The following SLC35E3 variants were observed in gnomAD, a reference collection of about 807,000 sequenced individuals.
SLC35E3 encodes solute carrier family 35 member E3, also known as bladder cancer-overexpressed gene 1 protein.
SLC35E3 carries 28 observed loss-of-function variants against 30.8 expected under a neutral mutation model. The observed-to-expected ratio is 0.91, with a 90% CI of 0.67 to 1.25. SLC35E3 has a LOEUF of 1.25. SLC35E3 is among the 50% of genes most tolerant of loss of function. The pLI is 0.00. For missense variants in SLC35E3, 365 were observed against 375.4 expected, an observed-to-expected ratio of 0.97 and a Z score of 0.23; for synonymous variants, 146 against 149.2, an observed-to-expected ratio of 0.98 and a Z score of 0.16.
In SLC35E3 at chr12:68,775,134, C is replaced by T. The variant is rs1034573291; in HGVS notation, c.*10244C>T. 6.6e-6 allele frequency: 1 copy of T among 152,088 alleles called. No individual in the cohort carries two copies. The highest frequency in any genetic ancestry group is 2.4e-5 in the African/African-American group (1 of 41,410). 9.4% of individuals were successfully genotyped at this position (152,088 alleles called of 1,614,324 possible). A position where few individuals can be genotyped will look rare whatever the true frequency, so the allele number is the denominator to read the frequency against. On this transcript the variant is annotated 3_prime_UTR_variant, in exon 5 of 5. Coordinates refer to ENST00000398004, the MANE Select transcript of SLC35E3 (RefSeq NM_018656.5). ...GTGCTGATATTACAGGCGTGAGCAA[C>T]CATGCCAGCCTGGCTTAGCCACTTT...
At chr12:68,758,444 A>G (rs1309470952) in intron 3 of SLC35E3, among the ~76,000 whole-genome samples, 1 of 152,010 alleles carries the variant, frequency 6.6e-6, no homozygotes, top group Non-Finnish European at 1.5e-5. Flanking sequence ...AAGATCTCGA[A>G]GGAGGTATGC....
In SLC35E3 at chr12:68,771,989, T is replaced by A. The variant is rs1879613040; in HGVS notation, c.*7099T>A. ...TTGCTTATAATAAAAGTAGATTGAA[T>A]AAATTAATCAGAAGGGTTTGGTTTG... is the stretch of plus-strand genomic sequence containing the variant. On this transcript the variant is annotated 3_prime_UTR_variant, in exon 5 of 5. Coordinates refer to ENST00000398004, the MANE Select transcript of SLC35E3 (RefSeq NM_018656.5). 3 of 152,232 alleles carry A rather than the reference T, an allele frequency of 2.0e-5. No homozygotes were observed. The South Asian group carries it at 6.2e-4, about 31-fold the overall frequency. The allele number at this position is 152,232 out of a possible 1,614,324, so 9.4% of individuals were successfully genotyped here. A position where few individuals can be genotyped will look rare whatever the true frequency, so the allele number is the denominator to read the frequency against.
chr12:68,769,987 G>A lies in SLC35E3; in HGVS notation c.*5097G>A, dbSNP rs1207520432. 3 of 152,210 alleles carry A rather than the reference G, an allele frequency of 2.0e-5. No homozygotes were observed. The highest frequency in any genetic ancestry group is 2.0e-4 in the Admixed American group (3 of 15,262). 9.4% of individuals were successfully genotyped at this position (152,210 alleles called of 1,614,324 possible). A position where few individuals can be genotyped will look rare whatever the true frequency, so the allele number is the denominator to read the frequency against. ...CTCAATGAATGCTAAAGGGAACATC[G>A]TTCTGTGAGCACATAACAAAAGAAT... On this transcript the variant is annotated 3_prime_UTR_variant, in exon 5 of 5. Transcript: ENST00000398004.
At chr12:68,757,342 C>T (rs1879059402) in intron 3 of SLC35E3, among the ~76,000 whole-genome samples, 1 of 152,050 alleles carries the variant, frequency 6.6e-6, no homozygotes, top group South Asian at 2.1e-4. Flanking sequence ...TAATGATGTG[C>T]CAAGTATCAA....
At position 68,769,932 on chromosome 12, in the gene SLC35E3, A is replaced by G. The variant is rs1289792225; in HGVS notation, c.*5042A>G. ...TATTAGAGATAGGACTAATTAAACAAAAACAAGACAAGAATAATTAAACAG... is the reference window on the plus strand; with the variant it reads ...TATTAGAGATAGGACTAATTAAACAGAAACAAGACAAGAATAATTAAACAG... On this transcript the variant is annotated 3_prime_UTR_variant, in exon 5 of 5. Transcript: ENST00000398004. 1 of 152,246 alleles carries G rather than the reference A, an allele frequency of 6.6e-6. No homozygotes were observed. The highest frequency in any genetic ancestry group is 1.5e-5 in the Non-Finnish European group (1 of 68,060). 9.4% of individuals were successfully genotyped at this position (152,246 alleles called of 1,614,324 possible).
chr12:68,764,440 C>T (rs955857700), intron 4 of SLC35E3, among the ~76,000 whole-genome samples: 3 of 152,168 alleles, frequency 2.0e-5, no homozygotes, highest in African/African-American at 7.2e-5. Context: ...AGGCATGTGC[C>T]ACCACGCCCA....
At chr12:68,763,685 G>A (rs1258676004) in intron 4 of SLC35E3, among the ~76,000 whole-genome samples, 6 of 151,982 alleles carry the variant, frequency 3.9e-5, no homozygotes, top group Non-Finnish European at 8.8e-5. Flanking sequence ...GTGAGCCACC[G>A]TGCCTGGCCA....
In SLC35E3 at chr12:68,771,854, A is replaced by G. The variant is rs78885704; in HGVS notation, c.*6964A>G. 2,593 of 152,346 alleles carry G rather than the reference A, an allele frequency of 0.017. 34 individuals are homozygous for G. Among genetic ancestry groups the G allele is most frequent in the Non-Finnish European group, 0.026 (1,768 of 68,076 alleles). The allele number at this position is 152,346 out of a possible 1,614,324, so 9.4% of individuals were successfully genotyped here. A position where few individuals can be genotyped will look rare whatever the true frequency, so the allele number is the denominator to read the frequency against. Reference sequence around the variant, plus strand: ...GCAGCTTGCTCAAATCTTACTTCTCAGTTTCTTCACCTATAAAATGAGGGC... The same window carrying G: ...GCAGCTTGCTCAAATCTTACTTCTCGGTTTCTTCACCTATAAAATGAGGGC... On this transcript the variant is annotated 3_prime_UTR_variant, in exon 5 of 5. Coordinates refer to ENST00000398004, the MANE Select transcript of SLC35E3 (RefSeq NM_018656.5).
rs1435221427 is a variant in SLC35E3 at position 68,772,223 on chromosome 12, AG to A, written c.*7334del. The A allele has an allele frequency of 6.6e-6, 1 of 151,906 alleles. No individual in the cohort carries two copies. Among genetic ancestry groups the A allele is most frequent in the East Asian group, 1.9e-4 (1 of 5,170 alleles). 9.4% of individuals were successfully genotyped at this position (151,906 alleles called of 1,614,324 possible). ...CAGCTAATTTTTTGTATTTTTGTAG[AG>A]ACAGGGTATCACCATGTTGGCCAGG... On this transcript the variant is annotated 3_prime_UTR_variant, in exon 5 of 5. Transcript: ENST00000398004.
rs1327835229 is a variant in SLC35E3, at chr12:68,778,790, CA to C, written c.*13912del. On this transcript the variant is annotated 3_prime_UTR_variant, in exon 5 of 5. Transcript: ENST00000398004. ...GGACAAAAGAGCAAAACTCCATCTC[CA>C]AAAAAAAAAAAGAAAAGAAACTGAG... 5.2e-3 allele frequency: 699 copies of C among 133,262 alleles called. 3 individuals are homozygous for C. Among genetic ancestry groups the C allele is most frequent in the Admixed American group, 8.7e-3 (114 of 13,030 alleles). The allele number at this position is 133,262 out of a possible 1,614,324, so 8.3% of individuals were successfully genotyped here. A position where few individuals can be genotyped will look rare whatever the true frequency, so the allele number is the denominator to read the frequency against.
In SLC35E3 at chr12:68,765,408, A is replaced by T. The variant is rs1219793150; in HGVS notation, c.*518A>T. Reference sequence around the variant, plus strand: ...ACCGAAATGGTTCATGCTTCTTTTTAAAAATGATTGTATAAAATGTATGGA... The same window carrying T: ...ACCGAAATGGTTCATGCTTCTTTTTTAAAATGATTGTATAAAATGTATGGA... On this transcript the variant is annotated 3_prime_UTR_variant, in exon 5 of 5. Transcript: ENST00000398004. 1 of 152,166 alleles carries T rather than the reference A, an allele frequency of 6.6e-6. No individual in the cohort carries two copies. The highest frequency in any genetic ancestry group is 1.5e-5 in the Non-Finnish European group (1 of 68,148). 9.4% of individuals were successfully genotyped at this position (152,166 alleles called of 1,614,324 possible).
Position 68,770,754 on chromosome 12 carries a change from A to G in SLC35E3, c.*5864A>G, listed in dbSNP as rs11177362. ...GAGGCTGAGGCGGGAGGATCTCCTG[A>G]GCCCAGGAGTTTGAGGCTTCAGTGC... is the stretch of plus-strand genomic sequence containing the variant. On this transcript the variant is annotated 3_prime_UTR_variant, in exon 5 of 5. Coordinates refer to ENST00000398004, the MANE Select transcript of SLC35E3 (RefSeq NM_018656.5). 28,250 of 152,006 alleles carry G rather than the reference A, an allele frequency of 0.19. 3,117 individuals are homozygous for G. The highest frequency in any genetic ancestry group is 0.34 in the East Asian group (1,730 of 5,126). 9.4% of individuals were successfully genotyped at this position (152,006 alleles called of 1,614,324 possible). A position where few individuals can be genotyped will look rare whatever the true frequency, so the allele number is the denominator to read the frequency against.
At position 68,756,942 on chromosome 12, in the gene SLC35E3, G is replaced by T. The variant is rs373415970; in HGVS notation, c.673-2215G>T. Among the ~76,000 whole-genome samples the T allele has an allele frequency of 5.4e-4, 82 of 152,332 alleles. 1 individual carries two copies. The East Asian group carries it at 7.3e-3, about 14-fold the overall frequency. On this transcript the variant is annotated intron_variant, in intron 3 of 4. Transcript: ENST00000398004. The stretch of plus-strand genomic sequence containing the variant: ...AGGCGGGAGAATGGCGTGAACCCGC[G>T]AGGCGGAGCTTGCAGTGAGCCGAGA...
Position 68,765,809 on chromosome 12 carries a change from G to A in SLC35E3, c.*919G>A, listed in dbSNP as rs990762823. On this transcript the variant is annotated 3_prime_UTR_variant, in exon 5 of 5. Coordinates refer to ENST00000398004, the MANE Select transcript of SLC35E3 (RefSeq NM_018656.5). ...CCCAGCAAAGTATATGAAAATTAAA[G>A]TTCTGTGATAATGACAAAGGAATTG... 1 of 150,976 alleles carries A rather than the reference G, an allele frequency of 6.6e-6. No homozygotes were observed. The highest frequency in any genetic ancestry group is 1.5e-5 in the Non-Finnish European group (1 of 67,886). 9.4% of individuals were successfully genotyped at this position (150,976 alleles called of 1,614,324 possible). A position where few individuals can be genotyped will look rare whatever the true frequency, so the allele number is the denominator to read the frequency against.
rs553564291 is a variant in SLC35E3 at position 68,780,141 on chromosome 12, T to G, written c.*15251T>G. 8.5e-5 allele frequency: 13 copies of G among 152,274 alleles called. No homozygotes were observed. Among genetic ancestry groups the G allele is most frequent in the African/African-American group, 3.1e-4 (13 of 41,566 alleles). 9.4% of individuals were successfully genotyped at this position (152,274 alleles called of 1,614,324 possible). A position where few individuals can be genotyped will look rare whatever the true frequency, so the allele number is the denominator to read the frequency against. On this transcript the variant is annotated 3_prime_UTR_variant, in exon 5 of 5. Coordinates refer to ENST00000398004, the MANE Select transcript of SLC35E3 (RefSeq NM_018656.5). ...GCTCAAAATTTTTATTTTTAAATCT[T>G]AACAATTTCTAAAATCACACTTTTT...
At position 68,753,310 on chromosome 12, in the gene SLC35E3, A is replaced by G. The variant is rs185294520; in HGVS notation, c.672+1120A>G. ...AAAAAAATAAATAAATAAAAAAGCC[A>G]GGCATGGTGGCACATGCCTGCAGTC... is the stretch of plus-strand genomic sequence containing the variant. On this transcript the variant is annotated intron_variant, in intron 3 of 4. Transcript: ENST00000398004. 5.3e-5 allele frequency among the ~76,000 whole-genome samples: 8 copies of G among 151,874 alleles called. No individual in the cohort carries two copies. In the East Asian group the frequency reaches 1.6e-3, roughly 30 times the overall value.
Position 68,746,765 on chromosome 12 carries a change from AT to A in SLC35E3, c.389del (p.Ile130ThrfsTer5), listed in dbSNP as rs764011333. The A allele has an allele frequency of 6.3e-7, 1 of 1,589,066 alleles. No individual in the cohort carries two copies. Among genetic ancestry groups the A allele is most frequent in the Non-Finnish European group, 8.6e-7 (1 of 1,163,986 alleles). ...CTACCAGAAAACCTTCTCCACCAGAATCCAGCTCACGCTGGTGAGTAGCTTC... is the reference window on the plus strand; with the variant it reads ...CTACCAGAAAACCTTCTCCACCAGAACCAGCTCACGCTGGTGAGTAGCTTC... ...FCYQKTFSTR[I>X]QLTLIPITLG... On this transcript the variant is annotated frameshift_variant, in exon 1 of 5. Coordinates refer to ENST00000398004, the MANE Select transcript of SLC35E3 (RefSeq NM_018656.5). LOFTEE classifies it high-confidence loss of function.
chr12:68,754,148 T>A (rs1254479035), intron 3 of SLC35E3, among the ~76,000 whole-genome samples: 8 of 151,048 alleles, frequency 5.3e-5, no homozygotes. Flanking sequence ...TCCGGCCACA[T>A]CTGTTTCTTT....
intron 2 of SLC35E3, among the ~76,000 whole-genome samples, chr12:68,748,788 A>G (rs35816451): frequency 0.03 from 4,625 of 152,296 alleles, 94 homozygotes; most frequent in African/African-American, 0.046. Flanking sequence ...GTGTGCCTGC[A>G]TGGGGAATCA....
Sources: allele counts gnomAD v4.1 joint callset (sites outside exome capture counted in the v4.1 genomes callset), GRCh38; gene constraint gnomAD v4.1.1; transcripts MANE v1.5; gene names NCBI Gene and HGNC (gene_info 2026-07-23, HGNC 2026-07-21).